STARD13: variants seen among roughly 807,000 people sequenced by gnomAD.
The protein encoded by STARD13 is StAR related lipid transfer domain containing 13, also known as stAR-related lipid transfer protein 13.
A neutral mutation model predicts 106.4 loss-of-function variants in STARD13; 62 were observed. The ratio of observed to expected loss-of-function variants is 0.58; its 90% confidence interval spans 0.48 to 0.72. The LOEUF (loss-of-function observed/expected upper bound fraction) is 0.72, where lower values mean the gene tolerates loss of function less well. Among genes scored for constraint, STARD13 ranks in the 30% least tolerant of loss-of-function variants. The pLI is 0.00. For missense variants in STARD13, 1,387 were observed against 1,424.0 expected (o/e 0.97, Z 0.42); for synonymous variants, 565 against 553.0 (o/e 1.02, Z -0.31).
At chr13:33,362,359 C>T in the STARD13 span, among the ~76,000 whole-genome samples, 16 of 152,272 alleles carry the variant, frequency 1.1e-4, no homozygotes, top group East Asian at 7.7e-4. Flanking sequence ...GATCCGTCCC[C>T]GTGATCCATT....
chr13:33,210,162 C>G (rs956188563), intron 1 of STARD13, among the ~76,000 whole-genome samples: 3 of 152,090 alleles, frequency 2.0e-5, no homozygotes, highest in Non-Finnish European at 2.9e-5. Context: ...TGCAAAGAGC[C>G]AGGTCTATTA....
At chr13:33,378,622 C>G in the STARD13 span, among the ~76,000 whole-genome samples, 31 of 152,104 alleles carry the variant, frequency 2.0e-4, no homozygotes, top group East Asian at 6.0e-3. Flanking sequence ...AACCCCGTCT[C>G]TACTAAAAAT....
At chr13:33,255,102 C>CG (rs949795831) in intron 1 of STARD13, among the ~76,000 whole-genome samples, 1 of 143,482 alleles carries the variant, frequency 7.0e-6, no homozygotes, top group Non-Finnish European at 1.6e-5. Flanking sequence ...GTGTGCTCCC[C>CG]CCCCCCTCAG....
chr13:33,621,077 AAGAAG>A, the STARD13 span, among the ~76,000 whole-genome samples: 1 of 152,054 alleles, frequency 6.6e-6, no homozygotes, highest in South Asian at 2.1e-4. Context: ...GAAGTAGAAA[AAGAAG>A]AGCAAACTAA....
At chr13:33,218,045 G>C (rs1888142347) in intron 1 of STARD13, among the ~76,000 whole-genome samples, 1 of 152,072 alleles carries the variant, frequency 6.6e-6, no homozygotes, top group Admixed American at 6.6e-5. Context: ...CTTTACAGAG[G>C]AGAAAACAAA....
At chr13:33,330,771 G>A (rs1174158414) in intron 1 of STARD13, among the ~76,000 whole-genome samples, 3 of 152,170 alleles carry the variant, frequency 2.0e-5, no homozygotes, top group Non-Finnish European at 4.4e-5. Context: ...GCAAATCCAA[G>A]TAAGGGCACC....
intron 1 of STARD13, among the ~76,000 whole-genome samples, chr13:33,318,034 C>T (rs1348431779): frequency 1.3e-5 from 2 of 152,152 alleles, no homozygotes. Flanking sequence ...AGTCTTTCAA[C>T]CACATTGGCA....
intron 1 of STARD13, among the ~76,000 whole-genome samples, chr13:33,305,762 A>G (rs1055269169): frequency 1.3e-5 from 2 of 152,210 alleles, no homozygotes; most frequent in Non-Finnish European, 1.5e-5. Flanking sequence ...TATATCTACT[A>G]AAGTCTGAGA....
the STARD13 span, among the ~76,000 whole-genome samples, chr13:33,675,090 G>A: frequency 1.3e-5 from 2 of 152,060 alleles, no homozygotes; most frequent in East Asian, 1.9e-4. Flanking sequence ...TTCACCTTTC[G>A]GCTAGAGCCA....
intron 3 of STARD13, among the ~76,000 whole-genome samples, chr13:33,160,726 C>T (rs1447557987): frequency 6.6e-6 from 1 of 152,102 alleles, no homozygotes; most frequent in Non-Finnish European, 1.5e-5. Flanking sequence ...TAATACCAGA[C>T]ATCTATTAAA....
the STARD13 span, among the ~76,000 whole-genome samples, chr13:33,367,831 G>A: frequency 1.8e-4 from 28 of 152,098 alleles, no homozygotes; most frequent in African/African-American, 6.3e-4. Flanking sequence ...AGTGGAGTGT[G>A]ATAAGGATTT....
upstream of STARD13, among the ~76,000 whole-genome samples, chr13:33,352,883 G>A (rs918886982): frequency 3.9e-5 from 6 of 152,216 alleles, no homozygotes; most frequent in African/African-American, 1.4e-4. Context: ...TTGAACCTTA[G>A]GTAGCATCCC....
At chr13:33,154,859 C>A (rs1277889596) in intron 3 of STARD13, among the ~76,000 whole-genome samples, 3 of 152,152 alleles carry the variant, frequency 2.0e-5, no homozygotes, top group African/African-American at 7.2e-5. Context: ...GAAGGCTGAG[C>A]AAAGCAGCCG....
chr13:33,375,577 G>C, the STARD13 span, among the ~76,000 whole-genome samples: 1 of 152,140 alleles, frequency 6.6e-6, no homozygotes, highest in Non-Finnish European at 1.5e-5. Flanking sequence ...GGCAGAAGGG[G>C]AAGTAAACAC....
the STARD13 span, among the ~76,000 whole-genome samples, chr13:33,360,468 T>C: frequency 1.3e-5 from 2 of 151,808 alleles, no homozygotes; most frequent in African/African-American, 2.4e-5. Context: ...CCTCCCAAAA[T>C]GCTGGGATTA....
chr13:33,396,723 G>A, the STARD13 span, among the ~76,000 whole-genome samples: 1 of 152,110 alleles, frequency 6.6e-6, no homozygotes, highest in African/African-American at 2.4e-5. Flanking sequence ...ATTGGTAATT[G>A]TATAATTGAT....
chr13:33,434,352 C>CAAAAAAAAAAA, the STARD13 span, among the ~76,000 whole-genome samples: 6 of 70,308 alleles, frequency 8.5e-5, no homozygotes, highest in East Asian at 8.5e-4. Flanking sequence ...GACTCTGTCT[C>CAAAAAAAAAAA]AAAAAAAAAA....
chr13:33,491,988 G>A, the STARD13 span, among the ~76,000 whole-genome samples: 60 of 152,126 alleles, frequency 3.9e-4, no homozygotes, highest in African/African-American at 1.2e-3. Context: ...GGGTGGGGCC[G>A]TTTTATAGGA....
the STARD13 span, among the ~76,000 whole-genome samples, chr13:33,566,049 A>T: frequency 6.7e-6 from 1 of 148,324 alleles, no homozygotes. Flanking sequence ...TTCCAGAAAT[A>T]AACAATTCAT....
Sources: gnomAD v4.1 joint callset for allele counts (sites outside exome capture counted in the v4.1 genomes callset) on GRCh38, gnomAD v4.1.1 for gene constraint, MANE v1.5 for transcripts, NCBI Gene and HGNC (gene_info 2026-07-23, HGNC 2026-07-21) for gene names.